Variants in CACNA2D1 observed in about 807,000 individuals in gnomAD.
CACNA2D1 encodes calcium voltage-gated channel auxiliary subunit alpha2delta 1.
In CACNA2D1, 53 loss-of-function variants were observed where a neutral mutation model predicts 171.5. The ratio of observed to expected loss-of-function variants is 0.31; its 90% CI spans 0.25 to 0.39. CACNA2D1 has a LOEUF of 0.39. Among genes scored for constraint, CACNA2D1 ranks in the 10% least tolerant of loss-of-function variants. CACNA2D1 has a pLI of 1.00. For missense variants in CACNA2D1, 903 were observed against 1,299.8 expected, an observed-to-expected ratio of 0.69 and a Z score of 4.69; for synonymous variants, 442 against 443.1, an observed-to-expected ratio of 1.00 and a Z score of 0.03.
At chr7:82,080,379 A>C (rs1349173338) in intron 7 of CACNA2D1, among the ~76,000 whole-genome samples, 1 of 152,114 alleles carries the variant, frequency 6.6e-6, no homozygotes, top group Non-Finnish European at 1.5e-5. Context: ...TAAAAATGAA[A>C]ATTATAAAAT....
chr7:82,331,488 T>C (rs1817294338), intron 3 of CACNA2D1, among the ~76,000 whole-genome samples: 1 of 152,192 alleles, frequency 6.6e-6, no homozygotes, highest in Non-Finnish European at 1.5e-5. Flanking sequence ...GAAATAATGT[T>C]TTATATTTTT....
chr7:82,236,572 A>G (rs1164909110), intron 3 of CACNA2D1, among the ~76,000 whole-genome samples: 2 of 152,074 alleles, frequency 1.3e-5, no homozygotes, highest in African/African-American at 4.8e-5. Flanking sequence ...TCATAATTTA[A>G]TCTCTTCACT....
rs191471553 is a variant in CACNA2D1, at chr7:82,378,601, T to G, written c.96-28952A>C. On this transcript the variant is annotated intron_variant, in intron 1 of 38. Coordinates refer to ENST00000356860, the MANE Select transcript of CACNA2D1 (RefSeq NM_000722.4). The stretch of plus-strand genomic sequence containing the variant: ...TTTGTGCATTACAGCTATCTCTACA[T>G]TTCTGATGCTTTCATTATATGCCTA... 1.1e-4 allele frequency among the ~76,000 whole-genome samples: 17 copies of G among 152,306 alleles called. No homozygotes were observed. The East Asian group carries it at 3.1e-3, about 28-fold the overall frequency.
rs554838096 is a variant in CACNA2D1 at position 82,346,436 on chromosome 7, A to T, written c.177+3132T>A. Among the ~76,000 whole-genome samples the T allele has an allele frequency of 7.9e-5, 12 of 152,296 alleles. No individual in the cohort carries two copies. The East Asian group carries it at 2.3e-3, about 29-fold the overall frequency. On this transcript the variant is annotated intron_variant, in intron 2 of 38. Transcript: ENST00000356860. ...ACTTGGCCAGATCCTAAAGCTGGCA[A>T]TTGGCAGAACCAAGGTATAATAGCC...
At chr7:82,034,018 C>T (rs1031970314) in intron 11 of CACNA2D1, among the ~76,000 whole-genome samples, 1 of 152,030 alleles carries the variant, frequency 6.6e-6, no homozygotes, top group Admixed American at 6.6e-5. Flanking sequence ...AAATATCTGA[C>T]ATTAATCCTA....
rs1159702454 is a variant in CACNA2D1 at position 81,977,452 on chromosome 7, C to G, written c.1956-2900G>C. On this transcript the variant is annotated intron_variant, in intron 24 of 38. Transcript: ENST00000356860. ...AATAACGCCACACATCTACAACCAT[C>G]TGATTTTTGACAAACCTGACAAAAA... Among the ~76,000 whole-genome samples the G allele has an allele frequency of 2.0e-5, 3 of 152,082 alleles. No homozygotes were observed. In the East Asian group the frequency reaches 5.8e-4, roughly 29 times the overall value.
chr7:82,349,827 A>C (rs1458759602), intron 1 of CACNA2D1, among the ~76,000 whole-genome samples, 178 bp from the exon 2 acceptor site: 3 of 152,208 alleles, frequency 2.0e-5, no homozygotes, highest in Non-Finnish European at 2.9e-5. Flanking sequence ...AAAGCACTGA[A>C]TCCTTAGTGT....
Position 82,066,434 on chromosome 7 carries a change from T to C in CACNA2D1, c.728+21A>G, listed in dbSNP as rs758590049. On this transcript the variant is annotated intron_variant, in intron 8 of 38. Coordinates refer to ENST00000356860, the MANE Select transcript of CACNA2D1 (RefSeq NM_000722.4). ...TCTTCTTGCCTATTTTATCTTTTCA[T>C]GGCTAGCTAAAAATTCTTACCATGG... 8.7e-6 allele frequency: 14 copies of C among 1,610,760 alleles called. No homozygotes were observed. In the South Asian group the frequency reaches 9.9e-5, roughly 11 times the overall value.
chr7:82,433,908 CCTGGTCACAATTAAATGGA>C (rs1383828845), intron 1 of CACNA2D1, among the ~76,000 whole-genome samples: 1 of 152,214 alleles, frequency 6.6e-6, no homozygotes, highest in African/African-American at 2.4e-5. Flanking sequence ...AATCCCATCT[CCTGGTCACAATTAAATGGA>C]CTGTAAGTGG....
At chr7:81,998,165 A>G (rs73705434) in intron 18 of CACNA2D1, among the ~76,000 whole-genome samples, 2,498 of 152,106 alleles carry the variant, frequency 0.016, 70 homozygotes, top group African/African-American at 0.057. Context: ...GTAATGTAAC[A>G]TGTCATACTA....
At chr7:82,142,227 T>C (rs964431410) in intron 4 of CACNA2D1, among the ~76,000 whole-genome samples, 1 of 152,224 alleles carries the variant, frequency 6.6e-6, no homozygotes, top group Admixed American at 6.5e-5. Context: ...GCAGTTTAGT[T>C]ATTTATTATC....
At chr7:82,073,844 G>A (rs529821195) in intron 7 of CACNA2D1, among the ~76,000 whole-genome samples, 3 of 151,794 alleles carry the variant, frequency 2.0e-5, no homozygotes, top group African/African-American at 7.3e-5. Flanking sequence ...CAGGTGATCC[G>A]CCTGCCTCGG....
chr7:81,998,275 T>C (rs1398184344), intron 18 of CACNA2D1, among the ~76,000 whole-genome samples: 2 of 151,982 alleles, frequency 1.3e-5, no homozygotes, highest in Admixed American at 6.6e-5. Flanking sequence ...TATTAAAATA[T>C]TACCTAAATC....
chr7:82,077,759 T>TAAAA (rs10596724), intron 7 of CACNA2D1, among the ~76,000 whole-genome samples: 27 of 145,126 alleles, frequency 1.9e-4, no homozygotes, highest in African/African-American at 5.1e-4. Flanking sequence ...AATGTTAAAG[T>TAAAA]AAAAAAAAAA....
At chr7:82,238,379 A>G in intron 3 of CACNA2D1, among the ~76,000 whole-genome samples, 1 of 152,060 alleles carries the variant, frequency 6.6e-6, no homozygotes, top group South Asian at 2.1e-4. Context: ...GAAGTTACTA[A>G]TAAGTCACAT....
chr7:82,117,625 C>A (rs1008197271), intron 5 of CACNA2D1, among the ~76,000 whole-genome samples: 1 of 152,000 alleles, frequency 6.6e-6, no homozygotes, highest in Non-Finnish European at 1.5e-5. Context: ...GTCTCTATGA[C>A]AAATAACAGA....
At chr7:82,131,091 C>T (rs1379910969) in intron 5 of CACNA2D1, among the ~76,000 whole-genome samples, 1 of 152,100 alleles carries the variant, frequency 6.6e-6, no homozygotes, top group Non-Finnish European at 1.5e-5. Flanking sequence ...CATGAGCCAC[C>T]GCGCCGGCCA....
chr7:82,288,874 C>A (rs73374385), intron 3 of CACNA2D1, among the ~76,000 whole-genome samples: 7,636 of 152,190 alleles, frequency 0.05, 617 homozygotes, highest in African/African-American at 0.17. Context: ...GATGTCCATG[C>A]CACTGTGCAA....
intron 3 of CACNA2D1, among the ~76,000 whole-genome samples, chr7:82,317,368 G>A (rs768617387): frequency 3.3e-5 from 5 of 152,184 alleles, no homozygotes; most frequent in Non-Finnish European, 5.9e-5. Flanking sequence ...ATTCCCGTGT[G>A]TGTGTACGGC....
Sources: gnomAD v4.1 joint callset for allele counts (sites outside exome capture counted in the v4.1 genomes callset) on GRCh38, gnomAD v4.1.1 for gene constraint, MANE v1.5 for transcripts, NCBI Gene and HGNC (gene_info 2026-07-23, HGNC 2026-07-21) for gene names.